The following COL19A1 variants were observed in gnomAD, a reference collection of about 807,000 sequenced individuals.
The protein encoded by COL19A1 is collagen alpha-1(XIX) chain.
A neutral mutation model predicts 190.2 loss-of-function variants in COL19A1; 159 were observed. The ratio of observed to expected loss-of-function variants is 0.84; its 90% CI spans 0.73 to 0.95. COL19A1 has a LOEUF of 0.95. COL19A1 is among the 40% of genes least tolerant of loss of function. The pLI is 0.00. For missense variants in COL19A1, 1,418 were observed against 1,431.9 expected (o/e 0.99, Z 0.16); for synonymous variants, 509 against 458.9 (o/e 1.11, Z -1.39).
chr6:70,147,527 A>G (rs1786744948), intron 27 of COL19A1, among the ~76,000 whole-genome samples: 1 of 152,186 alleles, frequency 6.6e-6, no homozygotes, highest in African/African-American at 2.4e-5. Flanking sequence ...GTGGAAATAA[A>G]TGGTTATTCT....
At chr6:69,897,543 G>A (rs1397130292) in intron 2 of COL19A1, among the ~76,000 whole-genome samples, 2 of 151,696 alleles carry the variant, frequency 1.3e-5, no homozygotes, top group South Asian at 4.2e-4. Context: ...ATAAAACCAA[G>A]AACTAACATC....
At chr6:70,142,715 C>CTTTT in intron 22 of COL19A1, 52 bp from the exon 23 acceptor site, 1 of 1,425,544 alleles carries the variant, frequency 7.0e-7, no homozygotes, top group Non-Finnish European at 9.6e-7. Flanking sequence ...TACAATCTAT[C>CTTTT]TTTTTTTTTC....
intron 4 of COL19A1, among the ~76,000 whole-genome samples, chr6:69,913,533 ATTTACCAGGTGAGCCAAGGGGTCAAT>A (rs1171489983): frequency 6.6e-6 from 1 of 152,182 alleles, no homozygotes; most frequent in Non-Finnish European, 1.5e-5. Context: ...TGAAGTGTGA[ATTTACCAGGTGAGCCAAGGGGTCAAT>A]GTATGTTGTG....
intron 12 of COL19A1, among the ~76,000 whole-genome samples, chr6:70,031,097 C>T (rs900264573): frequency 4.6e-5 from 7 of 152,142 alleles, no homozygotes; most frequent in African/African-American, 1.7e-4. Flanking sequence ...CCTGCAATTA[C>T]TTATGTACCA....
chr6:69,899,889 G>A (rs1229711792), intron 3 of COL19A1, among the ~76,000 whole-genome samples: 1 of 152,122 alleles, frequency 6.6e-6, no homozygotes, highest in African/African-American at 2.4e-5. Context: ...CTGAATGGCT[G>A]TACTATTTTT....
intron 1 of COL19A1, among the ~76,000 whole-genome samples, chr6:69,873,599 A>C (rs1767964360): frequency 6.6e-6 from 1 of 152,218 alleles, no homozygotes; most frequent in Non-Finnish European, 1.5e-5. Context: ...AAAATGAGAA[A>C]GCATATTATT....
At chr6:70,047,567 T>C (rs181761267) in intron 14 of COL19A1, among the ~76,000 whole-genome samples, 1 of 152,248 alleles carries the variant, frequency 6.6e-6, no homozygotes, top group Admixed American at 6.5e-5. Context: ...TAGTTGTAAA[T>C]CATTACATTC....
At chr6:69,872,940 C>T (rs1165257527) in intron 1 of COL19A1, among the ~76,000 whole-genome samples, 5 of 152,200 alleles carry the variant, frequency 3.3e-5, no homozygotes, top group Non-Finnish European at 5.9e-5. Flanking sequence ...GTCTGTCCCA[C>T]ATCCTGAGAG....
chr6:70,039,893 G>A (rs1028845905), intron 14 of COL19A1, among the ~76,000 whole-genome samples: 2 of 151,474 alleles, frequency 1.3e-5, no homozygotes, highest in African/African-American at 2.4e-5. Context: ...CTCCCAAGTA[G>A]CAGGGACTAC....
intron 49 of COL19A1, among the ~76,000 whole-genome samples, chr6:70,206,574 G>A (rs886237811): frequency 1.4e-5 from 2 of 148,138 alleles, no homozygotes; most frequent in Non-Finnish European, 3.0e-5. Flanking sequence ...GGAGGTTGCA[G>A]TGAGCCAAGA....
At chr6:70,157,391 A>C (rs1395342908) in intron 34 of COL19A1, among the ~76,000 whole-genome samples, 1 of 152,168 alleles carries the variant, frequency 6.6e-6, no homozygotes, top group Non-Finnish European at 1.5e-5. Flanking sequence ...TAACTCTTAG[A>C]AAAACCAATT....
At chr6:70,074,970 G>T (rs1349728698) in intron 15 of COL19A1, among the ~76,000 whole-genome samples, 1 of 150,252 alleles carries the variant, frequency 6.7e-6, no homozygotes, top group Non-Finnish European at 1.5e-5. Context: ...TTTTTTGCTT[G>T]GATTCATCTA....
rs1771041622 is a variant in COL19A1 at position 69,912,820 on chromosome 6, G to A, written c.266+12482G>A. Among the ~76,000 whole-genome samples, 4 of 152,290 alleles carry A rather than the reference G, an allele frequency of 2.6e-5. No homozygotes were observed. In the South Asian group the frequency reaches 6.2e-4, roughly 24 times the overall value. On this transcript the variant is annotated intron_variant, in intron 4 of 50. Coordinates refer to ENST00000620364, the MANE Select transcript of COL19A1 (RefSeq NM_001858.6). ...AAGCCAGTAGAGGCCAGGCACGGTG[G>A]CTCACACCAGTAATCCTAGCACTTT...
intron 1 of COL19A1, among the ~76,000 whole-genome samples, chr6:69,877,463 C>T (rs886644802): frequency 6.6e-6 from 1 of 152,008 alleles, no homozygotes; most frequent in Admixed American, 6.6e-5. Context: ...AGGCGTTGCA[C>T]GTATTCATTT....
At position 70,206,958 on chromosome 6, in the gene COL19A1, C is replaced by T. The variant is rs150858024; in HGVS notation, c.3281C>T (p.Pro1094Leu). 3,105 of 1,613,748 alleles carry T rather than the reference C, an allele frequency of 1.9e-3. 9 individuals carry two copies. The highest frequency in any genetic ancestry group is 2.4e-3 in the Non-Finnish European group (2,790 of 1,179,866). The change falls in exon 50 of 51, where the codon CCA (proline) becomes CTA (leucine). Residue 1094 changes from proline to leucine, a missense_variant. By Grantham distance (98) the Pro-to-Leu change is moderately conservative. Transcript: ENST00000620364. Reference sequence around the variant, plus strand: ...CCTGGAATTGGGCTGCCAGGGAGTCCAGGTCTTCCTGGGACTTCAGGTAAG... The same window carrying T: ...CCTGGAATTGGGCTGCCAGGGAGTCTAGGTCTTCCTGGGACTTCAGGTAAG... ...GEPGIGLPGS[P>L]GLPGTSALGL...
At chr6:70,067,149 T>G (rs1292106931) in intron 14 of COL19A1, among the ~76,000 whole-genome samples, 1 of 152,146 alleles carries the variant, frequency 6.6e-6, no homozygotes, top group African/African-American at 2.4e-5. Flanking sequence ...CAAGGCATTG[T>G]CTCCAAGTGG....
intron 12 of COL19A1, among the ~76,000 whole-genome samples, chr6:70,026,725 T>C (rs1041395294): frequency 6.6e-6 from 1 of 152,316 alleles, no homozygotes; most frequent in Non-Finnish European, 1.5e-5. Flanking sequence ...ATAAACTATT[T>C]TCACAAGGAA....
intron 11 of COL19A1, among the ~76,000 whole-genome samples, chr6:69,981,000 C>A (rs1169900978): frequency 3.3e-5 from 5 of 152,144 alleles, no homozygotes; most frequent in Non-Finnish European, 5.9e-5. Context: ...TCTTGAAAAT[C>A]TGACTTATAT....
intron 15 of COL19A1, among the ~76,000 whole-genome samples, chr6:70,077,262 C>T (rs1781937198): frequency 6.6e-6 from 1 of 152,166 alleles, no homozygotes; most frequent in Non-Finnish European, 1.5e-5. Context: ...AAGAGAGAAG[C>T]TATTGCAAAG....
Sources: gnomAD v4.1 joint callset for allele counts (sites outside exome capture counted in the v4.1 genomes callset) on GRCh38, gnomAD v4.1.1 for gene constraint, MANE v1.5 for transcripts, NCBI Gene and HGNC (gene_info 2026-07-23, HGNC 2026-07-21) for gene names.